DMRT1: variants seen among roughly 807,000 people sequenced by gnomAD.
The protein encoded by DMRT1 is doublesex- and mab-3-related transcription factor 1.
A neutral mutation model predicts 32.3 loss-of-function variants in DMRT1; 7 were observed. That is an observed-to-expected ratio of 0.22 (90% CI 0.12 to 0.41). DMRT1 has a LOEUF of 0.41. Ranked by LOEUF, DMRT1 falls within the 10% of genes least tolerant of loss-of-function variation. DMRT1 has a pLI of 1.00. For synonymous variants in DMRT1, 278 were observed against 206.1 expected (o/e 1.35, Z -2.99); for missense variants, 625 against 500.5 (o/e 1.25, Z -2.37).
intron 2 of DMRT1, among the ~76,000 whole-genome samples, chr9:856,775 T>TA (rs1422152592): frequency 1.3e-5 from 2 of 152,252 alleles, no homozygotes; most frequent in East Asian, 3.8e-4. Flanking sequence ...TACTGAGTTT[T>TA]ATGTTAACTC....
chr9:914,088 A>G (rs1049109110), intron 3 of DMRT1, among the ~76,000 whole-genome samples: 13 of 152,100 alleles, frequency 8.5e-5, no homozygotes, highest in African/African-American at 3.1e-4. Flanking sequence ...GGAATCATCA[A>G]AAGATGCTGC....
intron 2 of DMRT1, among the ~76,000 whole-genome samples, chr9:861,488 A>G (rs1815665901): frequency 6.6e-6 from 1 of 152,194 alleles, no homozygotes; most frequent in Non-Finnish European, 1.5e-5. Context: ...CACAATAACA[A>G]TCTGATCTTT....
chr9:926,687 TAGAGAGAG>T (rs57146042), intron 4 of DMRT1, among the ~76,000 whole-genome samples: 252 of 27,640 alleles, frequency 9.1e-3, no homozygotes, highest in African/African-American at 0.014. Flanking sequence ...AAGACACAGG[TAGAGAGAG>T]AGAGAGAGAG....
At chr9:851,288 G>C (rs563533955) in intron 2 of DMRT1, among the ~76,000 whole-genome samples, 4 of 152,208 alleles carry the variant, frequency 2.6e-5, no homozygotes, top group South Asian at 2.1e-4. Flanking sequence ...GCCCAGGCTG[G>C]AGTGCAGTGG....
chr9:843,603 C>T (rs918318603), intron 1 of DMRT1, among the ~76,000 whole-genome samples: 1 of 152,130 alleles, frequency 6.6e-6, no homozygotes, highest in African/African-American at 2.4e-5. Flanking sequence ...AAGTTAATGT[C>T]TTTAGTATTC....
rs182526538 is a variant in DMRT1 at position 955,489 on chromosome 9, G to A, written c.968-12496G>A. 6.2e-3 allele frequency among the ~76,000 whole-genome samples: 947 copies of A among 152,280 alleles called. 4 individuals are homozygous for A. Among genetic ancestry groups the A allele is most frequent in the South Asian group, 0.025 (118 of 4,814 alleles). On this transcript the variant is annotated intron_variant, in intron 4 of 4. Coordinates refer to ENST00000382276, the MANE Select transcript of DMRT1 (RefSeq NM_021951.3). ...GGAGGCTGAAGCAGGTGGATGGCTT[G>A]AGCCCAGGAGTTCAAGACCAGCCTG...
At chr9:933,178 A>G (rs1818781963) in intron 4 of DMRT1, among the ~76,000 whole-genome samples, 1 of 152,118 alleles carries the variant, frequency 6.6e-6, no homozygotes, top group Admixed American at 6.6e-5. Flanking sequence ...GGGCCTCCCA[A>G]AGTGCTGGGA....
At chr9:897,045 G>A (rs1427148186) in intron 3 of DMRT1, among the ~76,000 whole-genome samples, 2 of 151,360 alleles carry the variant, frequency 1.3e-5, no homozygotes, top group East Asian at 3.9e-4. Flanking sequence ...AATCCCCTGA[G>A]CTACAAATTT....
At chr9:869,488 C>G (rs1352992315) in intron 2 of DMRT1, among the ~76,000 whole-genome samples, 3 of 152,162 alleles carry the variant, frequency 2.0e-5, no homozygotes, top group Non-Finnish European at 2.9e-5. Context: ...GGTCATTGCT[C>G]CTAGTTGTTG....
intron 2 of DMRT1, among the ~76,000 whole-genome samples, chr9:860,826 A>G (rs952238535): frequency 6.6e-6 from 1 of 152,168 alleles, no homozygotes; most frequent in Non-Finnish European, 1.5e-5. Context: ...GGGAAAGAGC[A>G]TTTGAGGAGG....
chr9:842,403 T>G (rs2132533040), intron 1 of DMRT1: 1 of 644,902 alleles, frequency 1.6e-6, no homozygotes, highest in East Asian at 2.8e-5. Flanking sequence ...CCCGGCTAAT[T>G]TTTGTATTTT....
intron 4 of DMRT1, among the ~76,000 whole-genome samples, chr9:922,614 T>C (rs181440513): frequency 6.6e-6 from 1 of 152,368 alleles, no homozygotes; most frequent in East Asian, 1.9e-4. Context: ...AGGTTTCAGT[T>C]GGTGAAGGTA....
intron 2 of DMRT1, among the ~76,000 whole-genome samples, chr9:882,626 G>C (rs1001297546): frequency 1.3e-5 from 2 of 152,020 alleles, no homozygotes; most frequent in Non-Finnish European, 2.9e-5. Context: ...CCCCAGGGCA[G>C]CCTGTTTCAA....
Position 968,161 on chromosome 9 carries a change from G to A in DMRT1, c.*22G>A, listed in dbSNP as rs754850919. On this transcript the variant is annotated 3_prime_UTR_variant, in exon 5 of 5. Coordinates refer to ENST00000382276, the MANE Select transcript of DMRT1 (RefSeq NM_021951.3). ...GTGAGCAGTGCCTGCTGCCGATGGC[G>A]GTTCACTTGGAGTAACAGGCTTATT... 5 of 1,613,256 alleles carry A rather than the reference G, an allele frequency of 3.1e-6. No homozygotes were observed. The Admixed American group carries it at 6.7e-5, about 22-fold the overall frequency.
At chr9:907,444 C>T (rs1024888695) in intron 3 of DMRT1, among the ~76,000 whole-genome samples, 3 of 152,168 alleles carry the variant, frequency 2.0e-5, no homozygotes, top group African/African-American at 7.2e-5. Context: ...TAGTCCCAGC[C>T]AGACACTGGT....
intron 1 of DMRT1, among the ~76,000 whole-genome samples, chr9:846,604 A>T (rs1356721153): frequency 1.3e-5 from 2 of 152,124 alleles, no homozygotes; most frequent in Admixed American, 1.3e-4. Context: ...GTTAAGAGAC[A>T]GGGTCTTGCT....
chr9:953,393 C>T (rs910910517), intron 4 of DMRT1, among the ~76,000 whole-genome samples: 1 of 152,116 alleles, frequency 6.6e-6, no homozygotes, highest in African/African-American at 2.4e-5. Flanking sequence ...AGGGTAGATT[C>T]GAGCTGCCTC....
intron 4 of DMRT1, among the ~76,000 whole-genome samples, chr9:964,155 G>A (rs764195077): frequency 9.9e-5 from 15 of 151,836 alleles, no homozygotes; most frequent in Non-Finnish European, 2.1e-4. Context: ...AAAAGTCAGG[G>A]GTCTTTGCAA....
intron 3 of DMRT1, among the ~76,000 whole-genome samples, chr9:904,805 G>GT (rs1256261928): frequency 2.6e-5 from 4 of 152,160 alleles, no homozygotes; most frequent in Admixed American, 6.5e-5. Context: ...TTAGCTGGGC[G>GT]TGGAGGCAGG....
Sources: allele counts gnomAD v4.1 joint callset (sites outside exome capture counted in the v4.1 genomes callset), GRCh38; gene constraint gnomAD v4.1.1; transcripts MANE v1.5; gene names NCBI Gene and HGNC (gene_info 2026-07-23, HGNC 2026-07-21).